OSMR: variants seen among roughly 807,000 people sequenced by gnomAD.
The protein encoded by OSMR is oncostatin-M-specific receptor subunit beta.
Under a neutral mutation model 99.9 loss-of-function variants are expected in OSMR, and 81 were observed. That is an observed-to-expected ratio of 0.81 (90% CI 0.68 to 0.97). OSMR has a LOEUF of 0.97. OSMR is among the 50% of genes least tolerant of loss of function. The pLI is 0.00. For missense variants in OSMR, 1,099 were observed against 1,153.4 expected (o/e 0.95, Z 0.68); for synonymous variants, 406 against 410.4 (o/e 0.99, Z 0.13).
intron 9 of OSMR, among the ~76,000 whole-genome samples, chr5:38,906,667 A>G (rs1418504869): frequency 6.6e-6 from 1 of 152,220 alleles, no homozygotes; most frequent in Non-Finnish European, 1.5e-5. Flanking sequence ...TAATAGATTT[A>G]AAAATATATG....
chr5:38,917,557 GC>G lies in OSMR; in HGVS notation c.1301del (p.Pro434LeufsTer7). ...FTTLEAAPSE[A>X]PDVWRIVSLE... ...TTGGTTAATTTCAGCTCCCTCAGAG[GC>G]CCCTGATGTCTGGAGAATTGTGAGC... On this transcript the variant is annotated frameshift_variant, in exon 10 of 18. Coordinates refer to ENST00000274276, the MANE Select transcript of OSMR (RefSeq NM_003999.3). LOFTEE classifies it high-confidence loss of function. 6.2e-7 allele frequency: 1 copy of G among 1,613,484 alleles called. No individual in the cohort carries two copies. The highest frequency in any genetic ancestry group is 8.5e-7 in the Non-Finnish European group (1 of 1,179,486).
intron 7 of OSMR, among the ~76,000 whole-genome samples, chr5:38,899,094 G>A (rs1239086930): frequency 6.6e-6 from 1 of 151,780 alleles, no homozygotes; most frequent in African/African-American, 2.4e-5. Context: ...CAAGTAGCAG[G>A]AATTGCAGGC....
chr5:38,868,968 C>T (rs754389246), intron 1 of OSMR, 64 bp from the exon 2 acceptor site: 20 of 1,573,922 alleles, frequency 1.3e-5, no homozygotes, highest in Admixed American at 5.3e-5. Flanking sequence ...ACAATTGGCT[C>T]GAAGAAATTT....
intron 1 of OSMR, among the ~76,000 whole-genome samples, chr5:38,856,451 G>C (rs1740851951): frequency 1.3e-5 from 2 of 152,164 alleles, no homozygotes; most frequent in South Asian, 4.1e-4. Flanking sequence ...CAGTCCCACT[G>C]CTGGAAATAA....
At chr5:38,945,288 G>A, downstream of OSMR, 3 of 607,088 alleles carry the variant, frequency 4.9e-6, no homozygotes, top group South Asian at 6.3e-5. Flanking sequence ...CCTAATCCAG[G>A]GATCTGTCAG....
At chr5:38,919,275 G>A (rs242565) in intron 11 of OSMR, 1 of 1,505,984 alleles carries the variant, frequency 6.6e-7, no homozygotes, top group Non-Finnish European at 8.9e-7. Context: ...CCATGGCTCA[G>A]GACATTTCTG....
intron 1 of OSMR, among the ~76,000 whole-genome samples, chr5:38,865,121 G>T (rs2112196033): frequency 6.6e-6 from 1 of 152,196 alleles, no homozygotes; most frequent in East Asian, 1.9e-4. Flanking sequence ...TCCTTTTAAT[G>T]ATATCATTCA....
intron 9 of OSMR, among the ~76,000 whole-genome samples, chr5:38,907,864 C>G (rs1467463704): frequency 6.6e-6 from 1 of 152,180 alleles, no homozygotes; most frequent in Non-Finnish European, 1.5e-5. Flanking sequence ...TGCCTCTTCT[C>G]CTCCAATGGC....
rs1739809621 is a variant in OSMR at position 38,846,361 on chromosome 5, G to A, written c.-40G>A. On this transcript the variant is annotated 5_prime_UTR_variant, in exon 1 of 18. Transcript: ENST00000274276. ...ACCTGCGCTCGGACGGCGCTCGGAG[G>A]GTCCTCGCCCCCGGCCTGCCTACCT... 6.6e-6 allele frequency: 1 copy of A among 152,300 alleles called. No homozygotes were observed. Among genetic ancestry groups the A allele is most frequent in the Non-Finnish European group, 1.5e-5 (1 of 68,108 alleles). The allele number at this position is 152,300 out of a possible 1,614,324, so 9.4% of individuals were successfully genotyped here.
intron 2 of OSMR, among the ~76,000 whole-genome samples, chr5:38,872,786 C>A (rs1742487804): frequency 6.6e-6 from 1 of 152,002 alleles, no homozygotes; most frequent in Non-Finnish European, 1.5e-5. Context: ...AAAAAAATGT[C>A]CTTTAAAAAT....
chr5:38,889,462 G>A (rs1579716657), intron 7 of OSMR, among the ~76,000 whole-genome samples: 1 of 151,674 alleles, frequency 6.6e-6, no homozygotes, highest in Admixed American at 6.6e-5. Context: ...CCAGTTTAAC[G>A]TCTTCAATTT....
chr5:38,875,028 A>G (rs892811618), intron 2 of OSMR, among the ~76,000 whole-genome samples: 3 of 152,202 alleles, frequency 2.0e-5, no homozygotes, highest in African/African-American at 7.2e-5. Context: ...ATTGTTTATT[A>G]TCAAAATGAG....
At chr5:38,944,777 T>C in intron 2 of OSMR, 1 of 923,082 alleles carries the variant, frequency 1.1e-6, no homozygotes, top group South Asian at 1.5e-5. Context: ...ATTAACAGTG[T>C]TAAATTGCTT....
chr5:38,847,953 T>C (rs1740011306), intron 1 of OSMR, among the ~76,000 whole-genome samples: 1 of 152,336 alleles, frequency 6.6e-6, no homozygotes, highest in Non-Finnish European at 1.5e-5. Context: ...TACCCTTTTC[T>C]TTAACCTGAA....
chr5:38,858,794 A>G (rs1019814852), intron 1 of OSMR, among the ~76,000 whole-genome samples: 70 of 152,144 alleles, frequency 4.6e-4, no homozygotes, highest in Admixed American at 4.5e-3. Context: ...TTTTGATACT[A>G]GCCATTCTAA....
At chr5:38,924,301 T>C (rs1579802176) in intron 13 of OSMR, 121 bp from the exon 14 acceptor site, 2 of 1,549,546 alleles carry the variant, frequency 1.3e-6, no homozygotes, top group African/African-American at 2.7e-5. Flanking sequence ...TAAAACTCCT[T>C]AACTTGGCAT....
At position 38,934,435 on chromosome 5, in the gene OSMR, A is replaced by G. The variant is rs1481053738; in HGVS notation, c.*991A>G. On this transcript the variant is annotated 3_prime_UTR_variant, in exon 18 of 18. Transcript: ENST00000274276. ...AATTTAGATATAACTAAAAAGTTCT[A>G]TGAAGTGGGAAATTCCGTGTTGGCT... 2.0e-5 allele frequency: 3 copies of G among 152,224 alleles called. No homozygotes were observed. The highest frequency in any genetic ancestry group is 3.8e-4 in the East Asian group (2 of 5,204). The allele number at this position is 152,224 out of a possible 1,614,324, so 9.4% of individuals were successfully genotyped here. A position where few individuals can be genotyped will look rare whatever the true frequency, so the allele number is the denominator to read the frequency against.
chr5:38,847,900 G>A lies in OSMR; in HGVS notation c.-14+1513G>A, dbSNP rs75635238. 9.3e-3 allele frequency among the ~76,000 whole-genome samples: 1,411 copies of A among 152,260 alleles called. 148 individuals carry two copies. In the East Asian group the frequency reaches 0.24, roughly 25 times the overall value. On this transcript the variant is annotated intron_variant, in intron 1 of 17. Transcript: ENST00000274276. ...GGGTGTTTCTTCCGCAGGGACCCGA[G>A]CCGCATTGGGGAGAACACATAAACA...
intron 17 of OSMR, 69 bp from the exon 18 acceptor site, chr5:38,932,803 T>C: frequency 2.5e-6 from 4 of 1,604,116 alleles, no homozygotes; most frequent in South Asian, 2.2e-5. Context: ...TTCACATGCT[T>C]AATATACTTT....
Sources: gnomAD v4.1 joint callset for allele counts (sites outside exome capture counted in the v4.1 genomes callset) on GRCh38, gnomAD v4.1.1 for gene constraint, MANE v1.5 for transcripts, NCBI Gene and HGNC (gene_info 2026-07-23, HGNC 2026-07-21) for gene names.